JAG2: variants seen among roughly 807,000 people sequenced by gnomAD.
JAG2 encodes the protein jagged canonical Notch ligand 2, also known as protein jagged-2.
JAG2 carries 46 observed loss-of-function variants against 141.7 expected under a neutral mutation model. That is an observed-to-expected ratio of 0.32 (90% CI 0.26 to 0.42). The LOEUF (loss-of-function observed/expected upper bound fraction) is 0.42. Among genes scored for constraint, JAG2 ranks in the 10% least tolerant of loss-of-function variants. JAG2 has a pLI of 1.00. For missense variants in JAG2, 1,500 were observed against 1,817.5 expected, an observed-to-expected ratio of 0.83 and a Z score of 3.18; for synonymous variants, 862 against 763.5, an observed-to-expected ratio of 1.13 and a Z score of -2.13.
In JAG2 at chr14:105,154,702, C is replaced by T. The variant is rs1490566834; in HGVS notation, c.788+860G>A. On this transcript the variant is annotated intron_variant, in intron 5 of 25. Transcript: ENST00000331782. The surrounding 1 kb of genome is among the most constrained non-coding windows in gnomAD (Gnocchi z 4.4). ...TCCCGTCACCGCCTGAATGCCACCC[C>T]CCACAGGCCCCGCGTGGCGCAGGCC... Among the ~76,000 whole-genome samples, 1 of 152,144 alleles carries T rather than the reference C, an allele frequency of 6.6e-6. No homozygotes were observed. Among genetic ancestry groups the T allele is most frequent in the Non-Finnish European group, 1.5e-5 (1 of 68,012 alleles).
intron 8 of JAG2, 102 bp downstream of exon 8, chr14:105,151,524 C>G (rs1203969972): frequency 3.8e-6 from 5 of 1,330,342 alleles, no homozygotes; most frequent in Non-Finnish European, 5.3e-6. Context: ...CGCAGCCACA[C>G]GTGTGGACTT....
chr14:105,165,952 A>G (rs1351839904), intron 2 of JAG2, among the ~76,000 whole-genome samples: 1 of 152,178 alleles, frequency 6.6e-6, no homozygotes, highest in African/African-American at 2.4e-5. Context: ...CCGCCGCCCG[A>G]GTGCAAATAC....
chr14:105,148,658 G>A (rs1461542406), intron 15 of JAG2, 87 bp downstream of exon 15: 27 of 1,231,900 alleles, frequency 2.2e-5, no homozygotes, highest in Non-Finnish European at 2.9e-5. Flanking sequence ...GGGGCCTGCC[G>A]CACCCAGACA....
At position 105,151,699 on chromosome 14, in the gene JAG2, G is replaced by T; in HGVS notation, c.1080C>A (p.Gly360=). ...ACTSNPCANG[G]SCHEVPSGFE... ...AGCCGGACGGCACCTCATGGCAAGA[G>T]CCCCCGTTGGCACACGGGTTGGAGG... Residue 360 remains glycine (G), a synonymous_variant, in exon 8 of 26, where the codon GGC becomes GGA. Coordinates refer to ENST00000331782, the MANE Select transcript of JAG2 (RefSeq NM_002226.5). 6.2e-7 allele frequency: 1 copy of T among 1,611,398 alleles called. No homozygotes were observed. The highest frequency in any genetic ancestry group is 8.5e-7 in the Non-Finnish European group (1 of 1,179,414).
At position 105,148,192 on chromosome 14, in the gene JAG2, A is replaced by G. The variant is rs147857382; in HGVS notation, c.2172T>C (p.Gly724=). 298 of 1,554,134 alleles carry G rather than the reference A, an allele frequency of 1.9e-4. 1 individual carries two copies. The African/African-American group carries it at 3.7e-3, about 19-fold the overall frequency. Residue 724 remains glycine (G), a synonymous_variant, in exon 17 of 26, where the codon GGT becomes GGC. Coordinates refer to ENST00000331782, the MANE Select transcript of JAG2 (RefSeq NM_002226.5). ...TGTCGCCGCTGTCGTAGCAGGTGCC[A>G]CCGTTGCTGCAGGTGTAGGCATCGC... ...FQCDAYTCSN[G]GTCYDSGDTF...
chr14:105,158,533 A>G (rs1282410906), intron 2 of JAG2, among the ~76,000 whole-genome samples: 1 of 152,118 alleles, frequency 6.6e-6, no homozygotes, highest in African/African-American at 2.4e-5. Flanking sequence ...AGCCAAGCAA[A>G]GAGACCACAG....
intron 2 of JAG2, among the ~76,000 whole-genome samples, chr14:105,164,803 T>A (rs950412832): frequency 2.5e-4 from 38 of 152,148 alleles, no homozygotes; most frequent in African/African-American, 8.7e-4. Context: ...AGCAGCCCCA[T>A]CTGACTTCGT....
rs1387069904 is a variant in JAG2, at chr14:105,149,005, A to G, written c.1838T>C (p.Val613Ala). ...SGVCGPHGRC[V>A]SQPGGNFSCI... Reference sequence around the variant, plus strand: ...GGAAAAGTTGCCCCCTGGCTGGCTGACGCAGCGTCCATGGGGGCCACACAC... The same window carrying G: ...GGAAAAGTTGCCCCCTGGCTGGCTGGCGCAGCGTCCATGGGGGCCACACAC... Residue 613 changes from valine to alanine, a missense_variant, in exon 14 of 26, where the codon GTC becomes GCC. Physicochemically the swap from Val to Ala is moderately conservative, Grantham distance 64. This residue lies in a region of JAG2 where 875 missense variants were observed against 1,202.2 expected (regional missense o/e 0.73). Coordinates refer to ENST00000331782, the MANE Select transcript of JAG2 (RefSeq NM_002226.5). 1 of 1,606,764 alleles carries G rather than the reference A, an allele frequency of 6.2e-7. No individual in the cohort carries two copies. Among genetic ancestry groups the G allele is most frequent in the Non-Finnish European group, 8.5e-7 (1 of 1,177,462 alleles).
In JAG2 at chr14:105,148,187, G is replaced by T; in HGVS notation, c.2177C>A (p.Thr726Asn). 6.4e-7 allele frequency: 1 copy of T among 1,554,184 alleles called. No homozygotes were observed. The highest frequency in any genetic ancestry group is 1.4e-5 in the African/African-American group (1 of 73,396). ...CDAYTCSNGG[T>N]CYDSGDTFRC... ...GAAGGTGTCGCCGCTGTCGTAGCAGGTGCCACCGTTGCTGCAGGTGTAGGC... is the reference window on the plus strand; with the variant it reads ...GAAGGTGTCGCCGCTGTCGTAGCAGTTGCCACCGTTGCTGCAGGTGTAGGC... The change falls in exon 17 of 26, where the codon ACC (threonine) becomes AAC (asparagine). Residue 726 changes from threonine (T) to asparagine (N), a missense_variant. Physicochemically the swap from Thr to Asn is moderately conservative, Grantham distance 65. This residue lies in a region of JAG2 where 875 missense variants were observed against 1,202.2 expected (regional missense o/e 0.73). Coordinates refer to ENST00000331782, the MANE Select transcript of JAG2 (RefSeq NM_002226.5).
At chr14:105,145,639 C>T (rs1378180148) in intron 23 of JAG2, 92 bp downstream of exon 23, 2 of 1,491,260 alleles carry the variant, frequency 1.3e-6, no homozygotes, top group Admixed American at 2.0e-5. Context: ...CCAACCAGGG[C>T]CTCCCTGCCC....
Position 105,142,625 on chromosome 14 carries a change from G to A in JAG2, c.*70C>T. The A allele has an allele frequency of 8.4e-7, 1 of 1,193,340 alleles. No individual in the cohort carries two copies. The highest frequency in any genetic ancestry group is 1.3e-5 in the South Asian group (1 of 75,014). The allele number at this position is 1,193,340 out of a possible 1,614,324, so 73.9% of individuals were successfully genotyped here. ...TAAAGAAACTATGCACATGGCCTCG[G>A]CCTCCGGGTCCGGCAGACGGCATGG... On this transcript the variant is annotated 3_prime_UTR_variant, in exon 26 of 26. Transcript: ENST00000331782.
Position 105,149,150 on chromosome 14 carries a change from C to G in JAG2, c.1753+20G>C. On this transcript the variant is annotated intron_variant, in intron 13 of 25. Coordinates refer to ENST00000331782, the MANE Select transcript of JAG2 (RefSeq NM_002226.5). ...CCCTGCCCCACCACCTCCCCCACCA[C>G]CCCATGCCGCACCCAGCACCTCTGC... The G allele has an allele frequency of 1.2e-6, 2 of 1,608,362 alleles. No individual in the cohort carries two copies. The highest frequency in any genetic ancestry group is 1.7e-6 in the Non-Finnish European group (2 of 1,178,752).
At position 105,151,414 on chromosome 14, in the gene JAG2, A is replaced by C. The variant is rs375710340; in HGVS notation, c.1154-18T>G. 3.3e-5 allele frequency: 53 copies of C among 1,603,606 alleles called. No homozygotes were observed. The African/African-American group carries it at 6.4e-4, about 19-fold the overall frequency. ...ATCGATGTCTGCAGAGGGTGGAGAA[A>C]GGTGGGGCCCTGGCAGTGTGAGCCG... On this transcript the variant is annotated intron_variant, in intron 8 of 25. Transcript: ENST00000331782.
At chr14:105,160,449 GTTCC>G (rs1480047040) in intron 2 of JAG2, among the ~76,000 whole-genome samples, 4 of 150,340 alleles carry the variant, frequency 2.7e-5, no homozygotes, top group Non-Finnish European at 5.9e-5. Context: ...TCCTTCCTTC[GTTCC>G]TTCCTTCCTT....
intron 2 of JAG2, among the ~76,000 whole-genome samples, chr14:105,160,595 G>C (rs1406405457): frequency 6.6e-6 from 1 of 151,836 alleles, no homozygotes; most frequent in Non-Finnish European, 1.5e-5. Context: ...GGTCACAGTG[G>C]CTCACGCCTG....
At position 105,168,111 on chromosome 14, in the gene JAG2, A is replaced by C. The variant is rs760701013; in HGVS notation, c.67-4T>G. 9 of 1,540,796 alleles carry C rather than the reference A, an allele frequency of 5.8e-6. No homozygotes were observed. In the East Asian group the frequency reaches 2.4e-4, roughly 40 times the overall value. On this transcript the variant is annotated splice_polypyrimidine_tract_variant and splice_region_variant and intron_variant, in intron 1 of 25. Coordinates refer to ENST00000331782, the MANE Select transcript of JAG2 (RefSeq NM_002226.5). ...AATAGCCCATGGGCCGCGCCGCCTAAAAATAAGGCAGCGGGAGAGCGGAGG... is the reference window on the plus strand; with the variant it reads ...AATAGCCCATGGGCCGCGCCGCCTACAAATAAGGCAGCGGGAGAGCGGAGG...
At position 105,142,339 on chromosome 14, in the gene JAG2, C is replaced by T. The variant is rs1034411761; in HGVS notation, c.*356G>A. On this transcript the variant is annotated 3_prime_UTR_variant, in exon 26 of 26. Transcript: ENST00000331782. ...TTTGGCCTGGAGCCACAGAGAAACCCGAGTGAGGAATAAAAGGAAGATTCT... is the reference window on the plus strand; with the variant it reads ...TTTGGCCTGGAGCCACAGAGAAACCTGAGTGAGGAATAAAAGGAAGATTCT... 1 of 225,036 alleles carries T rather than the reference C, an allele frequency of 4.4e-6. No individual in the cohort carries two copies. Among genetic ancestry groups the T allele is most frequent in the Middle Eastern group, 4.6e-4 (1 of 2,184 alleles). The allele number at this position is 225,036 out of a possible 1,614,324, so 13.9% of individuals were successfully genotyped here.
intron 2 of JAG2, among the ~76,000 whole-genome samples, chr14:105,165,647 C>G (rs1888886621): frequency 6.6e-6 from 1 of 152,178 alleles, no homozygotes. Context: ...CCTGGGTCAA[C>G]AGCAGAGACC....
intron 5 of JAG2, among the ~76,000 whole-genome samples, chr14:105,155,218 G>C (rs1407538552): frequency 6.6e-6 from 1 of 151,102 alleles, no homozygotes; most frequent in Non-Finnish European, 1.5e-5. Flanking sequence ...GCCGCTCGCC[G>C]CCCACCCCCT....
Sources: allele counts gnomAD v4.1 joint callset (sites outside exome capture counted in the v4.1 genomes callset), GRCh38; gene constraint gnomAD v4.1.1; regional missense constraint gnomAD v4.1.1; non-coding constraint Gnocchi (gnomAD v3.1); transcripts MANE v1.5; gene names NCBI Gene and HGNC (gene_info 2026-07-23, HGNC 2026-07-21).